MNAT1: variants seen among roughly 807,000 people sequenced by gnomAD.
MNAT1 encodes MNAT1 component of CDK activating kinase.
A neutral mutation model predicts 42.0 loss-of-function variants in MNAT1; 43 were observed. The ratio of observed to expected loss-of-function variants is 1.02; its 90% CI spans 0.80 to 1.32. The LOEUF (loss-of-function observed/expected upper bound fraction) is 1.32, where lower values mean the gene tolerates loss of function less well. Ranked by LOEUF, MNAT1 falls within the 40% of genes most tolerant of loss-of-function variation. MNAT1 has a pLI of 0.00. For synonymous variants in MNAT1, 118 were observed against 120.0 expected (o/e 0.98, Z 0.11); for missense variants, 306 against 350.4 (o/e 0.87, Z 1.01).
intron 6 of MNAT1, among the ~76,000 whole-genome samples, chr14:60,838,995 C>G (rs2033473479): frequency 6.6e-6 from 1 of 152,224 alleles, no homozygotes; most frequent in Non-Finnish European, 1.5e-5. Flanking sequence ...CGATGGGTCC[C>G]TCTGTGTGAC....
In MNAT1 at chr14:60,922,764, T is replaced by C. The variant is rs528259715; in HGVS notation, c.809+42929T>C. ...TAGTGATCAAGTAAGATTTCTCCAT[T>C]GCCAAGGCCACAAGTTCAACGTATA... On this transcript the variant is annotated intron_variant, in intron 7 of 7. Transcript: ENST00000261245. Among the ~76,000 whole-genome samples the C allele has an allele frequency of 2.0e-5, 3 of 152,296 alleles. No homozygotes were observed. In the East Asian group the frequency reaches 5.8e-4, roughly 29 times the overall value.
chr14:60,858,419 GTT>G (rs751077464), intron 6 of MNAT1, among the ~76,000 whole-genome samples: 2 of 140,564 alleles, frequency 1.4e-5, no homozygotes, highest in African/African-American at 5.2e-5. Context: ...TTTTGATGGG[GTT>G]TTTTTTTTTT....
chr14:60,892,199 TTTTA>T (rs1470028913), intron 7 of MNAT1, among the ~76,000 whole-genome samples: 1 of 152,108 alleles, frequency 6.6e-6, no homozygotes, highest in Non-Finnish European at 1.5e-5. Context: ...AAGTCCTCTG[TTTTA>T]TTTATCTTTT....
At chr14:60,952,501 A>G (rs890680409) in intron 7 of MNAT1, among the ~76,000 whole-genome samples, 2 of 152,156 alleles carry the variant, frequency 1.3e-5, no homozygotes, top group Non-Finnish European at 2.9e-5. Flanking sequence ...GTGGCAATGA[A>G]GATGATGTGA....
At chr14:60,938,140 A>G (rs2036049317) in intron 7 of MNAT1, among the ~76,000 whole-genome samples, 1 of 152,000 alleles carries the variant, frequency 6.6e-6, no homozygotes, top group East Asian at 1.9e-4. Flanking sequence ...AGGCGATGGG[A>G]TTTTCTAGAT....
intron 6 of MNAT1, among the ~76,000 whole-genome samples, chr14:60,863,053 C>G (rs780319389): frequency 6.6e-6 from 1 of 151,618 alleles, no homozygotes; most frequent in African/African-American, 2.4e-5. Flanking sequence ...TCGAAAGATT[C>G]GAAATTTAAC....
intron 1 of MNAT1, among the ~76,000 whole-genome samples, chr14:60,772,746 A>G (rs572957376): frequency 6.6e-6 from 1 of 152,262 alleles, no homozygotes; most frequent in Admixed American, 6.5e-5. Flanking sequence ...GTCTAAAAGT[A>G]AAAAGCTAGT....
chr14:60,898,667 A>C (rs1009170387), intron 7 of MNAT1, among the ~76,000 whole-genome samples: 2 of 152,110 alleles, frequency 1.3e-5, no homozygotes, highest in African/African-American at 4.8e-5. Context: ...GGTCCTTGTA[A>C]GATGAATAGT....
chr14:60,847,839 A>G (rs1233764600), intron 6 of MNAT1, among the ~76,000 whole-genome samples: 3 of 152,186 alleles, frequency 2.0e-5, no homozygotes, highest in Non-Finnish European at 2.9e-5. Context: ...AATTCTGTAT[A>G]GCTTCATTCC....
intron 7 of MNAT1, among the ~76,000 whole-genome samples, chr14:60,917,562 A>G (rs2035548586): frequency 6.6e-6 from 1 of 152,132 alleles, no homozygotes; most frequent in East Asian, 1.9e-4. Flanking sequence ...TGCAACTTGT[A>G]TATGTTGAAT....
intron 6 of MNAT1, among the ~76,000 whole-genome samples, chr14:60,824,634 A>G (rs571303424): frequency 3.9e-5 from 6 of 152,310 alleles, no homozygotes; most frequent in South Asian, 2.1e-4. Context: ...CATGGGTAAG[A>G]TATTGCTTTA....
chr14:60,757,742 G>C (rs2030420453), intron 1 of MNAT1, among the ~76,000 whole-genome samples: 1 of 152,202 alleles, frequency 6.6e-6, no homozygotes, highest in Non-Finnish European at 1.5e-5. Context: ...ATGTAGAATA[G>C]GAAATAGGAG....
chr14:60,739,172 A>T (rs1896393494), intron 1 of MNAT1, among the ~76,000 whole-genome samples: 1 of 152,080 alleles, frequency 6.6e-6, no homozygotes, highest in Non-Finnish European at 1.5e-5. Flanking sequence ...GGTAAGGAAG[A>T]TTGGAGAGAT....
chr14:60,738,942 G>A (rs1896387221), intron 1 of MNAT1, among the ~76,000 whole-genome samples: 1 of 152,174 alleles, frequency 6.6e-6, no homozygotes, highest in African/African-American at 2.4e-5. Context: ...GTTAGTCTGA[G>A]AAGAGCAGGT....
intron 1 of MNAT1, among the ~76,000 whole-genome samples, chr14:60,769,162 C>T (rs1169849614): frequency 6.6e-6 from 1 of 152,044 alleles, no homozygotes; most frequent in East Asian, 1.9e-4. Flanking sequence ...TTTTGTCATT[C>T]TTTTTCTTTT....
At chr14:60,769,158 C>T (rs959861626) in intron 1 of MNAT1, among the ~76,000 whole-genome samples, 16 of 151,962 alleles carry the variant, frequency 1.1e-4, no homozygotes, top group Admixed American at 7.2e-4. Flanking sequence ...TGAATTTTGT[C>T]ATTCTTTTTC....
At chr14:60,821,786 G>A (rs776027175) in intron 6 of MNAT1, among the ~76,000 whole-genome samples, 16 of 152,112 alleles carry the variant, frequency 1.1e-4, no homozygotes, top group Admixed American at 2.0e-4. Context: ...AATGTGTTCT[G>A]TGGCATAACT....
At chr14:60,860,359 T>TC (rs1294475824) in intron 6 of MNAT1, among the ~76,000 whole-genome samples, 19 of 146,794 alleles carry the variant, frequency 1.3e-4, no homozygotes, top group African/African-American at 4.2e-4. Context: ...CTTTTCTTTT[T>TC]TTTTTTTTTT....
intron 1 of MNAT1, chr14:60,780,487 G>C: frequency 6.6e-7 from 1 of 1,516,912 alleles, no homozygotes; most frequent in South Asian, 1.1e-5. Flanking sequence ...GGGAAGAGTC[G>C]GGACCACAGT....
Sources: gnomAD v4.1 joint callset for allele counts (sites outside exome capture counted in the v4.1 genomes callset) on GRCh38, gnomAD v4.1.1 for gene constraint, MANE v1.5 for transcripts, NCBI Gene and HGNC (gene_info 2026-07-23, HGNC 2026-07-21) for gene names.